Variants in STARD13 observed in about 807,000 individuals in gnomAD.
STARD13 encodes StAR related lipid transfer domain containing 13.
In STARD13, 62 loss-of-function variants were observed where a neutral mutation model predicts 106.4. That is an observed-to-expected ratio of 0.58 (90% confidence interval 0.48 to 0.72). The LOEUF (loss-of-function observed/expected upper bound fraction) is 0.72, where lower values mean the gene tolerates loss of function less well. STARD13 is among the 30% of genes least tolerant of loss of function. STARD13 has a pLI of 0.00. For missense variants in STARD13, 1,387 were observed against 1,424.0 expected (o/e 0.97, Z 0.42); for synonymous variants, 565 against 553.0 (o/e 1.02, Z -0.31).
At chr13:33,112,219 C>G (rs545420189) in intron 9 of STARD13, among the ~76,000 whole-genome samples, 2 of 152,150 alleles carry the variant, frequency 1.3e-5, no homozygotes, top group South Asian at 4.1e-4. Flanking sequence ...TTGTAAAATA[C>G]TACTTTGTGT....
the STARD13 span, among the ~76,000 whole-genome samples, chr13:33,463,601 G>C: frequency 1.3e-5 from 2 of 152,178 alleles, no homozygotes; most frequent in East Asian, 3.8e-4. Context: ...AAATGTTAGA[G>C]AAAGCAGAGA....
chr13:33,408,471 T>C, the STARD13 span, among the ~76,000 whole-genome samples: 2 of 152,106 alleles, frequency 1.3e-5, no homozygotes, highest in South Asian at 2.1e-4. Context: ...ATCCACATTA[T>C]AGCATGTGGC....
the STARD13 span, among the ~76,000 whole-genome samples, chr13:33,469,742 T>A: frequency 6.6e-6 from 1 of 152,086 alleles, no homozygotes; most frequent in Admixed American, 6.6e-5. Flanking sequence ...TATTTAAGAT[T>A]AGTCTAATCT....
the STARD13 span, among the ~76,000 whole-genome samples, chr13:33,662,094 C>A: frequency 6.6e-6 from 1 of 151,832 alleles, no homozygotes. Flanking sequence ...AACCCCGTCT[C>A]TACTAAAAAT....
chr13:33,360,856 C>T, the STARD13 span, among the ~76,000 whole-genome samples: 22 of 141,482 alleles, frequency 1.6e-4, no homozygotes, highest in South Asian at 1.2e-3. Flanking sequence ...AGTGCAGTGG[C>T]GCAATCTGAG....
At chr13:33,255,459 T>G (rs767085224) in intron 1 of STARD13, among the ~76,000 whole-genome samples, 1 of 151,974 alleles carries the variant, frequency 6.6e-6, no homozygotes, top group Non-Finnish European at 1.5e-5. Flanking sequence ...CCGCACACCC[T>G]GTTGCCATCA....
At chr13:33,137,362 C>T (rs966111632) in intron 4 of STARD13, among the ~76,000 whole-genome samples, 1 of 152,226 alleles carries the variant, frequency 6.6e-6, no homozygotes, top group African/African-American at 2.4e-5. Context: ...CTCAGCTCTG[C>T]CATTGTTGTG....
chr13:33,220,956 G>A (rs1416658305), intron 1 of STARD13, among the ~76,000 whole-genome samples: 2 of 152,110 alleles, frequency 1.3e-5, no homozygotes, highest in African/African-American at 2.4e-5. Flanking sequence ...AGCAGTTAGA[G>A]GAGTTCACAA....
At position 33,166,228 on chromosome 13, in the gene STARD13, G is replaced by T. The variant is rs530157931; in HGVS notation, c.242-810C>A. ...TGGAAACAGACATAATTCCCCTTCT[G>T]GTGAAAAAAAATCATGTGAGTGACT... is the stretch of plus-strand genomic sequence containing the variant. On this transcript the variant is annotated intron_variant, in intron 2 of 13. Coordinates refer to ENST00000336934, the MANE Select transcript of STARD13 (RefSeq NM_178006.4). 1.2e-4 allele frequency among the ~76,000 whole-genome samples: 19 copies of T among 152,076 alleles called. 1 individual carries two copies. The highest frequency in any genetic ancestry group is 4.3e-4 in the African/African-American group (18 of 41,460).
chr13:33,352,996 C>T (rs770881154), upstream of STARD13, among the ~76,000 whole-genome samples: 128 of 152,308 alleles, frequency 8.4e-4, no homozygotes, highest in Admixed American at 1.9e-3. Context: ...TCCCTCCCAT[C>T]GCAGCGGAAG....
At chr13:33,196,101 T>G (rs1441084488) in intron 1 of STARD13, among the ~76,000 whole-genome samples, 1 of 152,248 alleles carries the variant, frequency 6.6e-6, no homozygotes, top group Non-Finnish European at 1.5e-5. Flanking sequence ...TTTAAAGAAT[T>G]AGGCTGGGTG....
the STARD13 span, among the ~76,000 whole-genome samples, chr13:33,370,803 G>T: frequency 6.6e-6 from 1 of 151,368 alleles, no homozygotes; most frequent in Non-Finnish European, 1.5e-5. Flanking sequence ...TGTATTTTTA[G>T]TAGAGACGGG....
chr13:33,472,339 TATA>T, the STARD13 span, among the ~76,000 whole-genome samples: 1 of 152,192 alleles, frequency 6.6e-6, no homozygotes, highest in African/African-American at 2.4e-5. Context: ...TCATAGGTTT[TATA>T]ATTATTTTTT....
chr13:33,633,924 T>G, the STARD13 span, among the ~76,000 whole-genome samples: 5 of 152,186 alleles, frequency 3.3e-5, no homozygotes, highest in Admixed American at 6.5e-5. Context: ...ACACTGGGCT[T>G]TCAGAAGGCC....
At chr13:33,636,139 C>CAAAAAA in the STARD13 span, among the ~76,000 whole-genome samples, 2 of 47,288 alleles carry the variant, frequency 4.2e-5, 1 homozygote, top group South Asian at 1.5e-3. Flanking sequence ...GACTCTGTCT[C>CAAAAAA]AAAAAAAAAA....
At chr13:33,568,697 C>A in the STARD13 span, among the ~76,000 whole-genome samples, 1 of 147,810 alleles carries the variant, frequency 6.8e-6, no homozygotes, top group Non-Finnish European at 1.5e-5. Context: ...AGTGAACACA[C>A]TAAAGGTATA....
the STARD13 span, among the ~76,000 whole-genome samples, chr13:33,387,457 A>G: frequency 1.3e-5 from 2 of 152,208 alleles, no homozygotes; most frequent in African/African-American, 4.8e-5. Flanking sequence ...AAAACAAAAC[A>G]AAAAACCGTG....
chr13:33,294,640 C>T (rs950706629), intron 1 of STARD13, among the ~76,000 whole-genome samples: 2 of 152,090 alleles, frequency 1.3e-5, no homozygotes, highest in Non-Finnish European at 2.9e-5. Flanking sequence ...TTATTTTTGT[C>T]CTCAATGAAA....
At chr13:33,465,201 C>CTTTTTTTTT in the STARD13 span, among the ~76,000 whole-genome samples, 1 of 60,642 alleles carries the variant, frequency 1.6e-5, no homozygotes, top group African/African-American at 5.1e-5. Flanking sequence ...TGGTCTTCTT[C>CTTTTTTTTT]TTTTTTTTTT....
Sources: gnomAD v4.1 joint callset for allele counts (sites outside exome capture counted in the v4.1 genomes callset) on GRCh38, gnomAD v4.1.1 for gene constraint, MANE v1.5 for transcripts, NCBI Gene and HGNC (gene_info 2026-07-23, HGNC 2026-07-21) for gene names.